CAST: variants seen among roughly 807,000 people sequenced by gnomAD.
CAST encodes calpastatin.
CAST carries 76 observed loss-of-function variants against 119.6 expected under a neutral mutation model. That is an observed-to-expected ratio of 0.64 (90% CI 0.53 to 0.77). CAST has a LOEUF of 0.77. Among genes scored for constraint, CAST ranks in the 30% least tolerant of loss-of-function variants. CAST has a pLI of 0.00. For missense variants in CAST, 953 were observed against 946.5 expected, an observed-to-expected ratio of 1.01 and a Z score of -0.09; for synonymous variants, 319 against 331.6, an observed-to-expected ratio of 0.96 and a Z score of 0.41.
At chr5:96,358,266 C>G in the CAST span, among the ~76,000 whole-genome samples, 1 of 152,022 alleles carries the variant, frequency 6.6e-6, no homozygotes, top group Non-Finnish European at 1.5e-5. Flanking sequence ...TTTTGTTAAT[C>G]TTTTCAAAAA....
At chr5:96,235,492 T>C in the CAST span, among the ~76,000 whole-genome samples, 1 of 152,202 alleles carries the variant, frequency 6.6e-6, no homozygotes, top group African/African-American at 2.4e-5. Context: ...ATTTAGTTCT[T>C]ACAACATGTG....
the CAST span, among the ~76,000 whole-genome samples, chr5:96,424,975 AAGAT>A: frequency 6.4e-5 from 9 of 140,762 alleles, no homozygotes; most frequent in African/African-American, 1.8e-4. Flanking sequence ...AAAAAAAAGA[AAGAT>A]AGAAAGAAAG....
chr5:96,171,647 A>G, the CAST span, among the ~76,000 whole-genome samples: 1 of 152,248 alleles, frequency 6.6e-6, no homozygotes, highest in Non-Finnish European at 1.5e-5. Context: ...GGGTCCATGG[A>G]TAAAATGTGT....
intron 24 of CAST, among the ~76,000 whole-genome samples, chr5:96,757,928 A>T (rs1214895515): frequency 6.6e-6 from 1 of 151,790 alleles, no homozygotes; most frequent in African/African-American, 2.4e-5. Context: ...TAACCTCATG[A>T]TCCGCCCACC....
intron 2 of CAST, among the ~76,000 whole-genome samples, chr5:96,695,531 A>G (rs1295064433): frequency 6.6e-6 from 1 of 152,182 alleles, no homozygotes; most frequent in African/African-American, 2.4e-5. Flanking sequence ...TATACTCTCT[A>G]TGGCACTGTA....
chr5:96,616,697 T>C (rs146584647), intron 1 of CAST, among the ~76,000 whole-genome samples: 23 of 151,864 alleles, frequency 1.5e-4, no homozygotes, highest in Non-Finnish European at 2.5e-4. Flanking sequence ...CAGGGTCCAA[T>C]GTGTGGCCTC....
chr5:96,698,497 T>A (rs1019804696), intron 3 of CAST, among the ~76,000 whole-genome samples: 1 of 152,250 alleles, frequency 6.6e-6, no homozygotes, highest in African/African-American at 2.4e-5. Context: ...ATGTGAGTTC[T>A]CCAGGGTTTG....
At chr5:96,433,049 C>T in the CAST span, 1 of 1,613,748 alleles carries the variant, frequency 6.2e-7, no homozygotes, top group Non-Finnish European at 8.5e-7. Flanking sequence ...CCATAGCTCA[C>T]ACACTCGCTT....
intron 1 of CAST, among the ~76,000 whole-genome samples, chr5:96,618,388 C>T (rs1319153208): frequency 6.6e-6 from 1 of 152,254 alleles, no homozygotes; most frequent in Non-Finnish European, 1.5e-5. Context: ...AGCACCTCCT[C>T]GGCCTCGGTG....
At chr5:96,683,563 G>C (rs1340441105) in intron 2 of CAST, among the ~76,000 whole-genome samples, 5 of 151,996 alleles carry the variant, frequency 3.3e-5, no homozygotes, top group Admixed American at 1.3e-4. Context: ...TTAACAGAGG[G>C]GCAGGAGGAT....
the CAST span, among the ~76,000 whole-genome samples, chr5:96,425,245 G>C: frequency 6.6e-6 from 1 of 152,120 alleles, no homozygotes; most frequent in Non-Finnish European, 1.5e-5. Flanking sequence ...ACAGAAGAGA[G>C]GACACCCTGC....
the CAST span, among the ~76,000 whole-genome samples, chr5:96,205,318 TCTTTAAA>T: frequency 2.0e-5 from 3 of 152,092 alleles, no homozygotes; most frequent in Non-Finnish European, 4.4e-5. Flanking sequence ...AAGAACTCTT[TCTTTAAA>T]CTTTTATTTC....
the CAST span, among the ~76,000 whole-genome samples, chr5:96,360,588 CTCTGCTGCAGG>C: frequency 6.6e-6 from 1 of 152,196 alleles, no homozygotes; most frequent in Non-Finnish European, 1.5e-5. Context: ...GGTCAGGCTC[CTCTGCTGCAGG>C]TCTGCTGCAG....
the CAST span, among the ~76,000 whole-genome samples, chr5:96,287,073 A>G: frequency 6.6e-6 from 1 of 152,136 alleles, no homozygotes; most frequent in Non-Finnish European, 1.5e-5. Context: ...CAAGTGGTCC[A>G]TCCCATTTCC....
chr5:96,118,282 T>C, the CAST span, among the ~76,000 whole-genome samples: 27 of 152,122 alleles, frequency 1.8e-4, no homozygotes, highest in African/African-American at 6.3e-4. Context: ...TGTGAATGCT[T>C]TGAGTAGGCA....
chr5:96,199,050 T>G, the CAST span, among the ~76,000 whole-genome samples: 1 of 152,176 alleles, frequency 6.6e-6, no homozygotes, highest in Non-Finnish European at 1.5e-5. Context: ...GGACTGGTTT[T>G]CTATAATCTC....
chr5:96,717,881 T>C (rs556962032), intron 3 of CAST, among the ~76,000 whole-genome samples: 1 of 152,318 alleles, frequency 6.6e-6, no homozygotes, highest in South Asian at 2.1e-4. Flanking sequence ...AGACATTTAT[T>C]TTAGAAAGAT....
the CAST span, among the ~76,000 whole-genome samples, chr5:96,474,534 CCTT>C: frequency 9.8e-5 from 15 of 152,310 alleles, no homozygotes; most frequent in East Asian, 2.3e-3. Flanking sequence ...ATGTGGCTCT[CCTT>C]CTCATCAAGA....
intron 1 of CAST, among the ~76,000 whole-genome samples, chr5:96,606,314 C>T (rs146152699): frequency 6.6e-6 from 1 of 152,322 alleles, no homozygotes; most frequent in East Asian, 1.9e-4. Flanking sequence ...TTACCACCTA[C>T]TAACTTTGTC....
Sources: allele counts gnomAD v4.1 joint callset (sites outside exome capture counted in the v4.1 genomes callset), GRCh38; gene constraint gnomAD v4.1.1; transcripts MANE v1.5; gene names NCBI Gene and HGNC (gene_info 2026-07-23, HGNC 2026-07-21).